The following FGGY variants were observed in gnomAD, a reference collection of about 807,000 sequenced individuals.
FGGY encodes FGGY carbohydrate kinase domain-containing protein.
In FGGY, 72 loss-of-function variants were observed where a neutral mutation model predicts 71.3. The observed-to-expected ratio is 1.01, with a 90% confidence interval of 0.84 to 1.23. FGGY has a LOEUF of 1.23. Ranked by LOEUF, FGGY falls within the 50% of genes most tolerant of loss-of-function variation. The pLI is 0.00. For synonymous variants in FGGY, 251 were observed against 250.3 expected, an observed-to-expected ratio of 1.00 and a Z score of -0.02; for missense variants, 668 against 682.3, an observed-to-expected ratio of 0.98 and a Z score of 0.23.
chr1:59,309,788 C>A (rs571043489), intron 1 of FGGY, among the ~76,000 whole-genome samples: 15 of 152,140 alleles, frequency 9.9e-5, no homozygotes, highest in African/African-American at 3.6e-4. Context: ...CCATTCTGAG[C>A]AACATGGCAA....
Position 59,698,456 on chromosome 1 carries a change from A to G in FGGY, c.1512+24323A>G, listed in dbSNP as rs555947336. On this transcript the variant is annotated intron_variant, in intron 14 of 15. Coordinates refer to ENST00000303721, the MANE Select transcript of FGGY (RefSeq NM_018291.5). ...ACTCCCCTCCAACCCCCACACCCCC[A>G]TTACCAAAGTGTTTCTATAATGCTC... Among the ~76,000 whole-genome samples the G allele has an allele frequency of 6.8e-5, 10 of 146,630 alleles. No homozygotes were observed. In the South Asian group the frequency reaches 1.8e-3, roughly 26 times the overall value.
intron 14 of FGGY, among the ~76,000 whole-genome samples, chr1:59,712,270 C>T (rs2097800512): frequency 6.6e-6 from 1 of 152,212 alleles, no homozygotes; most frequent in Admixed American, 6.5e-5. Flanking sequence ...TCATCTTGGG[C>T]AGCTCTGCCC....
At chr1:59,612,299 C>T (rs1416265463) in intron 9 of FGGY, among the ~76,000 whole-genome samples, 72 of 145,108 alleles carry the variant, frequency 5.0e-4, no homozygotes, top group East Asian at 1.8e-3. Flanking sequence ...GCTGATCTCT[C>T]GGCAGAAACT....
intron 11 of FGGY, among the ~76,000 whole-genome samples, chr1:59,652,426 A>G (rs2097172672): frequency 6.8e-6 from 1 of 146,916 alleles, no homozygotes; most frequent in Non-Finnish European, 1.5e-5. Flanking sequence ...ACATAGTCCC[A>G]TATTTCTTGG....
intron 7 of FGGY, among the ~76,000 whole-genome samples, chr1:59,547,166 T>C (rs1278537094): frequency 6.6e-6 from 1 of 151,826 alleles, no homozygotes; most frequent in Non-Finnish European, 1.5e-5. Flanking sequence ...TTAGCCAGGC[T>C]GGTCTTGAAC....
In FGGY at chr1:59,401,684, A is replaced by G. The variant is rs570627978; in HGVS notation, c.554+22847A>G. Among the ~76,000 whole-genome samples the G allele has an allele frequency of 5.9e-5, 9 of 152,260 alleles. No homozygotes were observed. The South Asian group carries it at 1.7e-3, about 28-fold the overall frequency. On this transcript the variant is annotated intron_variant, in intron 5 of 15. Transcript: ENST00000303721. ...AACAAAACTCATGCTTTTAACTACT[A>G]TAGTCTTGTAAGCCACTCAACAAGT...
chr1:59,518,732 G>A (rs931021880), intron 7 of FGGY, among the ~76,000 whole-genome samples: 1 of 152,118 alleles, frequency 6.6e-6, no homozygotes. Flanking sequence ...ATCACCTTTT[G>A]CCATGATCGT....
At position 59,502,183 on chromosome 1, in the gene FGGY, C is replaced by A. The variant is rs549497657; in HGVS notation, c.671-10128C>A. ...CACCACCATCCAAGCCTGTCCACCC[C>A]CTAACCTGAACTCCCAAGTGCTATG... On this transcript the variant is annotated intron_variant, in intron 6 of 15. Coordinates refer to ENST00000303721, the MANE Select transcript of FGGY (RefSeq NM_018291.5). Among the ~76,000 whole-genome samples the A allele has an allele frequency of 2.6e-5, 4 of 152,326 alleles. No individual in the cohort carries two copies. The South Asian group carries it at 6.2e-4, about 24-fold the overall frequency.
intron 9 of FGGY, among the ~76,000 whole-genome samples, chr1:59,610,835 G>A (rs1489981663): frequency 6.6e-6 from 1 of 152,228 alleles, no homozygotes; most frequent in Non-Finnish European, 1.5e-5. Flanking sequence ...TTTTACAATG[G>A]TCTTAGCAAA....
intron 14 of FGGY, among the ~76,000 whole-genome samples, chr1:59,735,253 AG>A (rs367701131): frequency 7.2e-5 from 11 of 152,246 alleles, no homozygotes; most frequent in African/African-American, 2.6e-4. Context: ...CCTTTTCCAT[AG>A]ACAAGCCCTC....
chr1:59,465,401 T>C (rs1322211168), intron 6 of FGGY, among the ~76,000 whole-genome samples: 2 of 152,182 alleles, frequency 1.3e-5, no homozygotes, highest in African/African-American at 4.8e-5. Flanking sequence ...GCCAATATCA[T>C]ACTGAATGGG....
intron 10 of FGGY, among the ~76,000 whole-genome samples, chr1:59,636,761 A>T (rs35652555): frequency 0.038 from 5,717 of 152,336 alleles, 140 homozygotes; most frequent in South Asian, 0.096. Context: ...TGGCAACTTC[A>T]TGGGATCCAT....
At chr1:59,601,712 CGGAGACTACATCACTTATT>C (rs1042058815) in intron 8 of FGGY, among the ~76,000 whole-genome samples, 1 of 152,168 alleles carries the variant, frequency 6.6e-6, no homozygotes, top group African/African-American at 2.4e-5. Context: ...TTCGGGAGGA[CGGAGACTACATCACTTATT>C]GGCTCTGATG....
Position 59,589,576 on chromosome 1 carries a change from T to C in FGGY, c.904-18227T>C, listed in dbSNP as rs559099813. On this transcript the variant is annotated intron_variant, in intron 8 of 15. Coordinates refer to ENST00000303721, the MANE Select transcript of FGGY (RefSeq NM_018291.5). ...AGCAAATGTAAAAGAACAGAAATTA[T>C]AACAAACTGTCTCTCAGACCACAGT... 1.7e-3 allele frequency among the ~76,000 whole-genome samples: 258 copies of C among 152,272 alleles called. 1 individual carries two copies. Among genetic ancestry groups the C allele is most frequent in the Non-Finnish European group, 2.8e-3 (189 of 68,028 alleles).
intron 4 of FGGY, among the ~76,000 whole-genome samples, chr1:59,350,717 G>C (rs534768879): frequency 1.3e-5 from 2 of 152,228 alleles, no homozygotes; most frequent in Admixed American, 1.3e-4. Context: ...GTGAGAAAAT[G>C]TGTGTGGGGG....
intron 13 of FGGY, among the ~76,000 whole-genome samples, chr1:59,669,723 A>C (rs949348400): frequency 2.0e-5 from 3 of 151,926 alleles, no homozygotes; most frequent in Non-Finnish European, 4.4e-5. Flanking sequence ...ATAGCCAAAA[A>C]ACTTCCTATC....
At chr1:59,620,138 C>T (rs2096793862) in intron 9 of FGGY, among the ~76,000 whole-genome samples, 2 of 151,776 alleles carry the variant, frequency 1.3e-5, no homozygotes, top group Admixed American at 1.3e-4. Context: ...TAACTGATCC[C>T]CAAAGTTGAC....
chr1:59,413,504 A>T (rs1254531188), intron 5 of FGGY, among the ~76,000 whole-genome samples: 1 of 152,220 alleles, frequency 6.6e-6, no homozygotes. Context: ...GAGTATAACC[A>T]TTCAGAGTAC....
At chr1:59,456,349 A>G (rs752060657) in intron 5 of FGGY, among the ~76,000 whole-genome samples, 17 of 152,192 alleles carry the variant, frequency 1.1e-4, no homozygotes, top group Non-Finnish European at 1.6e-4. Flanking sequence ...GCAAGGTTAT[A>G]ATTTCTAATT....
Sources: allele counts gnomAD v4.1 joint callset (sites outside exome capture counted in the v4.1 genomes callset), GRCh38; gene constraint gnomAD v4.1.1; transcripts MANE v1.5; gene names NCBI Gene and HGNC (gene_info 2026-07-23, HGNC 2026-07-21).